Variants in FBXW7 observed in about 807,000 individuals in gnomAD.
The protein encoded by FBXW7 is F-box and WD repeat domain containing 7.
In FBXW7, 11 loss-of-function variants were observed where a neutral mutation model predicts 86.3. The observed-to-expected ratio is 0.13, with a 90% confidence interval of 0.08 to 0.21. The LOEUF is 0.21. Among genes scored for constraint, FBXW7 ranks in the 10% least tolerant of loss-of-function variants. The pLI, the probability that FBXW7 is intolerant of heterozygous loss-of-function variation, is 1.00. For missense variants in FBXW7, 488 were observed against 847.4 expected (o/e 0.58, Z 5.27); for synonymous variants, 313 against 297.9 (o/e 1.05, Z -0.52).
chr4:152,325,314 A>G (rs192666701), intron 12 of FBXW7: 5 of 152,306 alleles, frequency 3.3e-5, no homozygotes. Context: ...TTTGCTGAAC[A>G]TTAATGGGTA....
At chr4:152,406,207 T>C (rs1413717541) in intron 4 of FBXW7, among the ~76,000 whole-genome samples, 1 of 152,242 alleles carries the variant, frequency 6.6e-6, no homozygotes, top group Non-Finnish European at 1.5e-5. Context: ...ATCATCTGTA[T>C]AAAGAACTAA....
At chr4:152,342,621 G>A (rs1424940054) in intron 6 of FBXW7, among the ~76,000 whole-genome samples, 8 of 152,162 alleles carry the variant, frequency 5.3e-5, no homozygotes, top group Admixed American at 2.0e-4. Flanking sequence ...ATGTGGTAAA[G>A]AACTCACTTC....
chr4:152,496,889 T>C (rs1468656666), intron 2 of FBXW7, among the ~76,000 whole-genome samples: 4 of 152,184 alleles, frequency 2.6e-5, no homozygotes, highest in Non-Finnish European at 5.9e-5. Context: ...CCTTATCAGA[T>C]AACAAGATTT....
intron 4 of FBXW7, among the ~76,000 whole-genome samples, chr4:152,391,997 T>G (rs1200075082): frequency 6.6e-6 from 1 of 152,140 alleles, no homozygotes; most frequent in Non-Finnish European, 1.5e-5. Flanking sequence ...ATAACTGAAA[T>G]AAAGTATTGT....
At chr4:152,384,633 G>A (rs994598040) in intron 4 of FBXW7, among the ~76,000 whole-genome samples, 2 of 151,904 alleles carry the variant, frequency 1.3e-5, no homozygotes, top group Non-Finnish European at 2.9e-5. Context: ...AATATATTTA[G>A]TGCCACTGAA....
chr4:152,517,291 C>G (rs1447171441), intron 2 of FBXW7, among the ~76,000 whole-genome samples: 2 of 152,066 alleles, frequency 1.3e-5, no homozygotes, highest in African/African-American at 4.8e-5. Context: ...TTTCTAAGAA[C>G]TTCGGTAAAC....
At chr4:152,503,024 AAAAG>A (rs1321359664) in intron 2 of FBXW7, among the ~76,000 whole-genome samples, 2 of 152,214 alleles carry the variant, frequency 1.3e-5, no homozygotes, top group African/African-American at 4.8e-5. Flanking sequence ...TTCTTGCGCC[AAAAG>A]AAAGAAAATC....
chr4:152,351,119 T>C (rs1731772985), intron 4 of FBXW7, among the ~76,000 whole-genome samples: 1 of 152,100 alleles, frequency 6.6e-6, no homozygotes, highest in Non-Finnish European at 1.5e-5. Flanking sequence ...TCCAAAGTGA[T>C]AGAGAGCTAT....
intron 2 of FBXW7, among the ~76,000 whole-genome samples, chr4:152,494,879 T>A (rs1746179578): frequency 6.6e-6 from 1 of 152,202 alleles, no homozygotes; most frequent in African/African-American, 2.4e-5. Flanking sequence ...TAGGAGATGA[T>A]ACTATACTAC....
At chr4:152,515,684 C>T (rs1419658546) in intron 2 of FBXW7, among the ~76,000 whole-genome samples, 1 of 150,540 alleles carries the variant, frequency 6.6e-6, no homozygotes. Context: ...AGAACACAAA[C>T]ACAACAGTAG....
At position 152,411,519 on chromosome 4, in the gene FBXW7, T is replaced by G. The variant is rs756647667; in HGVS notation, c.285A>C (p.Gln95His). The G allele has an allele frequency of 8.7e-6, 14 of 1,613,882 alleles. No homozygotes were observed. The highest frequency in any genetic ancestry group is 1.2e-5 in the Non-Finnish European group (14 of 1,179,934). ...GTTCTTCATCTTCCTCTTGTTCTTC[T>G]TGGTTTCCTGAGGAGTCCTCATCTA... Reference protein sequence around the residue: ...ISVDEDSSGNQEEQEEDEEHA... With the variant: ...ISVDEDSSGNHEEQEEDEEHA... Residue 95 changes from glutamine (Q) to histidine (H), a missense_variant, in exon 4 of 14, where the codon CAA becomes CAC. Gln to His is a conservative substitution (Grantham distance 24, BLOSUM62 0). Transcript: ENST00000281708.
chr4:152,423,813 T>C (rs935374769), intron 2 of FBXW7, among the ~76,000 whole-genome samples: 1 of 152,262 alleles, frequency 6.6e-6, no homozygotes, highest in East Asian at 1.9e-4. Context: ...ATGGTGGTTA[T>C]GTTTGTGTTT....
In FBXW7 at chr4:152,459,122, C is replaced by T. The variant is rs369419002; in HGVS notation, c.-119-46593G>A. Among the ~76,000 whole-genome samples, 136 of 152,268 alleles carry T rather than the reference C, an allele frequency of 8.9e-4. 1 individual carries two copies. Among genetic ancestry groups the T allele is most frequent in the African/African-American group, 3.2e-3 (132 of 41,534 alleles). On this transcript the variant is annotated intron_variant, in intron 2 of 13. Transcript: ENST00000281708. Reference sequence around the variant, plus strand: ...CTGCCTAGAAAAGTGGTGTTCTCTACTGTCTAAGTTACTACCCAAAACAGT... The same window carrying T: ...CTGCCTAGAAAAGTGGTGTTCTCTATTGTCTAAGTTACTACCCAAAACAGT...
At position 152,484,512 on chromosome 4, in the gene FBXW7, A is replaced by G. The variant is rs367815229; in HGVS notation, c.-120+50429T>C. Among the ~76,000 whole-genome samples, 53 of 152,210 alleles carry G rather than the reference A, an allele frequency of 3.5e-4. 2 individuals are homozygous for G. Among genetic ancestry groups the G allele is most frequent in the Non-Finnish European group, 6.9e-4 (47 of 68,036 alleles). On this transcript the variant is annotated intron_variant, in intron 2 of 13. Coordinates refer to ENST00000281708, the MANE Select transcript of FBXW7 (RefSeq NM_001349798.2). ...GGAAAAAGGGACAAGTAAACATACT[A>G]ACAATATTGTAAAAGCTCCACAAAA...
chr4:152,342,321 T>C (rs975095504), intron 6 of FBXW7, among the ~76,000 whole-genome samples: 3 of 152,160 alleles, frequency 2.0e-5, no homozygotes, highest in Admixed American at 6.5e-5. Flanking sequence ...TGGAAGTCTC[T>C]TAATGAGTCT....
chr4:152,400,447 T>A (rs1054213014), intron 4 of FBXW7, among the ~76,000 whole-genome samples: 3 of 152,046 alleles, frequency 2.0e-5, no homozygotes, highest in Admixed American at 6.6e-5. Flanking sequence ...GCTCAAGCAA[T>A]CCTCCAACCT....
chr4:152,442,621 T>C (rs1172152379), intron 2 of FBXW7, among the ~76,000 whole-genome samples: 3 of 152,238 alleles, frequency 2.0e-5, no homozygotes, highest in South Asian at 4.1e-4. Flanking sequence ...CCAGTACACA[T>C]GTACTGACCA....
At chr4:152,333,227 A>C (rs1729739621) in intron 7 of FBXW7, among the ~76,000 whole-genome samples, 1 of 152,158 alleles carries the variant, frequency 6.6e-6, no homozygotes, top group South Asian at 2.1e-4. Context: ...TGAACTTCTG[A>C]AACACTTACA....
intron 2 of FBXW7, among the ~76,000 whole-genome samples, chr4:152,440,476 T>A (rs1391850253): frequency 6.6e-6 from 1 of 152,208 alleles, no homozygotes; most frequent in Non-Finnish European, 1.5e-5. Flanking sequence ...GATGATTCTA[T>A]CACTTAGGAA....
Sources: gnomAD v4.1 joint callset for allele counts (sites outside exome capture counted in the v4.1 genomes callset) on GRCh38, gnomAD v4.1.1 for gene constraint, MANE v1.5 for transcripts, NCBI Gene and HGNC (gene_info 2026-07-23, HGNC 2026-07-21) for gene names.